Variants in LRRC37A2 observed in about 807,000 individuals in gnomAD.
LRRC37A2 encodes the protein leucine-rich repeat-containing protein 37A2.
A neutral mutation model predicts 68.8 loss-of-function variants in LRRC37A2; 9 were observed. The observed-to-expected ratio is 0.13, with a 90% CI of 0.08 to 0.23. The LOEUF (loss-of-function observed/expected upper bound fraction) is 0.23. Among genes scored for constraint, LRRC37A2 ranks in the 10% least tolerant of loss-of-function variants. The probability of loss-of-function intolerance (pLI) is 1.00; values close to 1 mark genes in which losing one functional copy is unlikely to be tolerated. For missense variants in LRRC37A2, 168 were observed against 950.4 expected, an observed-to-expected ratio of 0.18 and a Z score of 10.82; for synonymous variants, 63 against 367.6, an observed-to-expected ratio of 0.17 and a Z score of 9.48.
At chr17:46,713,854 C>A in the LRRC37A2 span, 7 of 1,609,714 alleles carry the variant, frequency 4.3e-6, no homozygotes, top group African/African-American at 1.3e-5. Flanking sequence ...TTTATGCAGG[C>A]CCTCCTCACA....
chr17:46,831,943 A>G, the LRRC37A2 span, among the ~76,000 whole-genome samples: 1 of 152,246 alleles, frequency 6.6e-6, no homozygotes, highest in Non-Finnish European at 1.5e-5. Context: ...AGACCAGGAC[A>G]CTGTGCCAGA....
the LRRC37A2 span, among the ~76,000 whole-genome samples, chr17:47,020,796 A>C: frequency 7.0e-6 from 1 of 142,314 alleles, no homozygotes; most frequent in African/African-American, 2.5e-5. Context: ...AAAAAAAAAA[A>C]AAAAAAAAAA....
the LRRC37A2 span, among the ~76,000 whole-genome samples, chr17:46,855,031 G>A: frequency 1.3e-5 from 2 of 152,194 alleles, no homozygotes; most frequent in Non-Finnish European, 2.9e-5. Context: ...TGTAGGATGG[G>A]TGTAAATAGT....
At chr17:46,815,574 GA>G in the LRRC37A2 span, among the ~76,000 whole-genome samples, 1 of 152,066 alleles carries the variant, frequency 6.6e-6, no homozygotes, top group Non-Finnish European at 1.5e-5. Flanking sequence ...AGTGGGGGCA[GA>G]AATGGGATCA....
the LRRC37A2 span, among the ~76,000 whole-genome samples, chr17:46,898,048 T>C: frequency 6.6e-6 from 1 of 151,230 alleles, no homozygotes; most frequent in African/African-American, 2.4e-5. Context: ...CTGGAGGAGG[T>C]TGTATGAATG....
At chr17:46,864,231 C>T in the LRRC37A2 span, among the ~76,000 whole-genome samples, 103 of 152,306 alleles carry the variant, frequency 6.8e-4, no homozygotes, top group African/African-American at 2.4e-3. Flanking sequence ...CAGCCAGAGT[C>T]ACCCAGTACC....
chr17:46,818,823 T>C, the LRRC37A2 span: 1 of 595,006 alleles, frequency 1.7e-6, no homozygotes, highest in Non-Finnish European at 3.0e-6. Context: ...AAGAGATGAG[T>C]CTGTAGTTCA....
At chr17:46,903,447 A>G in the LRRC37A2 span, among the ~76,000 whole-genome samples, 2 of 152,186 alleles carry the variant, frequency 1.3e-5, no homozygotes, top group African/African-American at 2.4e-5. Flanking sequence ...TGAATTTTCA[A>G]TGATGCCTTT....
the LRRC37A2 span, among the ~76,000 whole-genome samples, chr17:47,020,799 A>AAAAAAAAAAAAAAAAAAAAAAAAG: frequency 6.9e-6 from 1 of 145,210 alleles, no homozygotes; most frequent in Non-Finnish European, 1.5e-5. Context: ...AAAAAAAAAA[A>AAAAAAAAAAAAAAAAAAAAAAAAG]AAAAAAATAG....
chr17:46,748,121 T>A, the LRRC37A2 span, among the ~76,000 whole-genome samples: 21 of 152,284 alleles, frequency 1.4e-4, no homozygotes, highest in Middle Eastern at 6.8e-3. Context: ...TTATTTATTT[T>A]TTTGAGATGG....
the LRRC37A2 span, among the ~76,000 whole-genome samples, chr17:46,976,739 C>T: frequency 2.2e-4 from 34 of 152,256 alleles, no homozygotes; most frequent in Middle Eastern, 3.4e-3. Flanking sequence ...TGGGATTTTA[C>T]GCAAATGCCT....
At chr17:46,951,436 G>A in the LRRC37A2 span, among the ~76,000 whole-genome samples, 88 of 152,294 alleles carry the variant, frequency 5.8e-4, 1 homozygote, top group African/African-American at 2.0e-3. Flanking sequence ...CAGCTGCCGC[G>A]CCAGCCCACG....
chr17:46,537,077 ATTTTTTTTTT>A (rs766255014), intron 6 of LRRC37A2, among the ~76,000 whole-genome samples: 23,876 of 34,902 alleles, frequency 0.68, 8,666 homozygotes, highest in South Asian at 0.89. Context: ...ATTGTGGTCA[ATTTTTTTTTT>A]TTTTTTTTTT....
the LRRC37A2 span, among the ~76,000 whole-genome samples, chr17:46,826,335 G>C: frequency 4.6e-5 from 7 of 152,260 alleles, no homozygotes; most frequent in African/African-American, 1.7e-4. Context: ...GCTGGGAATG[G>C]GGTCACAGCT....
At chr17:46,551,109 C>T (rs1226531737) in intron 11 of LRRC37A2, among the ~76,000 whole-genome samples, 7 of 149,794 alleles carry the variant, frequency 4.7e-5, no homozygotes, top group African/African-American at 7.7e-5. Context: ...TCTAGCCCTC[C>T]TGAGCCTAGA....
the LRRC37A2 span, among the ~76,000 whole-genome samples, chr17:46,730,902 G>A: frequency 6.6e-6 from 1 of 152,152 alleles, no homozygotes; most frequent in East Asian, 1.9e-4. Flanking sequence ...TCATCAAAAA[G>A]TCAGGTAATG....
At chr17:46,707,522 A>G in the LRRC37A2 span, among the ~76,000 whole-genome samples, 1 of 152,102 alleles carries the variant, frequency 6.6e-6, no homozygotes, top group African/African-American at 2.4e-5. Context: ...CTCTATACCC[A>G]TTAAATAATA....
intron 8 of LRRC37A2, among the ~76,000 whole-genome samples, chr17:46,543,239 AAAGT>A (rs1257323664): frequency 2.0e-5 from 3 of 150,668 alleles, no homozygotes; most frequent in Non-Finnish European, 4.4e-5. Context: ...ATTTATGTAC[AAAGT>A]AAGTAGGCCA....
At chr17:46,744,564 T>C in the LRRC37A2 span, among the ~76,000 whole-genome samples, 1 of 152,230 alleles carries the variant, frequency 6.6e-6, no homozygotes, top group Non-Finnish European at 1.5e-5. Context: ...TGTTCATAGG[T>C]TGAAATCAGC....
Sources: allele counts gnomAD v4.1 joint callset (sites outside exome capture counted in the v4.1 genomes callset), GRCh38; gene constraint gnomAD v4.1.1; transcripts MANE v1.5; gene names NCBI Gene and HGNC (gene_info 2026-07-23, HGNC 2026-07-21).